Variants in GRM7 observed in about 807,000 individuals in gnomAD.
GRM7 encodes the protein metabotropic glutamate receptor 7.
A neutral mutation model predicts 84.5 loss-of-function variants in GRM7; 35 were observed. That is an observed-to-expected ratio of 0.41 (90% CI 0.32 to 0.55). The LOEUF is 0.55. GRM7 is among the 20% of genes least tolerant of loss of function. The pLI, the probability that GRM7 is intolerant of heterozygous loss-of-function variation, is 0.19. For synonymous variants in GRM7, 487 were observed against 455.1 expected, an observed-to-expected ratio of 1.07 and a Z score of -0.89; for missense variants, 1,003 against 1,194.6, an observed-to-expected ratio of 0.84 and a Z score of 2.36.
At chr3:6,904,708 G>C (rs929586582) in intron 1 of GRM7, among the ~76,000 whole-genome samples, 13 of 151,606 alleles carry the variant, frequency 8.6e-5, no homozygotes, top group African/African-American at 3.2e-4. Context: ...TAATCATCAT[G>C]ACTTCCTTAT....
chr3:7,005,199 T>C (rs529412675), intron 1 of GRM7, among the ~76,000 whole-genome samples: 11 of 152,298 alleles, frequency 7.2e-5, no homozygotes, highest in Non-Finnish European at 4.4e-5. Flanking sequence ...TTAAGGACCA[T>C]GGGCCTACTC....
At chr3:7,104,224 C>CT (rs147181632) in intron 1 of GRM7, among the ~76,000 whole-genome samples, 8,697 of 150,356 alleles carry the variant, frequency 0.058, 514 homozygotes, top group African/African-American at 0.16. Context: ...CAAAAAGTGC[C>CT]TTTTTTTTTC....
At chr3:7,353,006 T>C (rs1246408554) in intron 4 of GRM7, among the ~76,000 whole-genome samples, 1 of 152,090 alleles carries the variant, frequency 6.6e-6, no homozygotes, top group Non-Finnish European at 1.5e-5. Context: ...TTTTCAGAAA[T>C]TTCCATCCTA....
chr3:6,958,050 A>G (rs1368991534), intron 1 of GRM7, among the ~76,000 whole-genome samples: 1 of 151,912 alleles, frequency 6.6e-6, no homozygotes, highest in East Asian at 1.9e-4. Context: ...GCATACATGT[A>G]CACACACTAT....
intron 2 of GRM7, among the ~76,000 whole-genome samples, chr3:7,192,909 T>G (rs1022445453): frequency 3.3e-5 from 5 of 152,152 alleles, no homozygotes; most frequent in African/African-American, 9.7e-5. Context: ...TCTTGGGTAC[T>G]AATCCCCTGG....
intron 4 of GRM7, among the ~76,000 whole-genome samples, chr3:7,350,480 C>T (rs1208358472): frequency 6.6e-6 from 1 of 152,088 alleles, no homozygotes; most frequent in African/African-American, 2.4e-5. Flanking sequence ...TTCCCCTTTG[C>T]CTTCCTCCAT....
intron 4 of GRM7, among the ~76,000 whole-genome samples, chr3:7,322,131 A>G (rs1273661745): frequency 1.3e-5 from 2 of 152,166 alleles, no homozygotes; most frequent in Non-Finnish European, 2.9e-5. Flanking sequence ...GGATACCTAC[A>G]TGGAGATATT....
chr3:7,548,969 CTGGGGTGTCTTACTCAGTTTTCCCAAAG>C (rs933966223), intron 7 of GRM7, among the ~76,000 whole-genome samples: 1 of 152,160 alleles, frequency 6.6e-6, no homozygotes, highest in Non-Finnish European at 1.5e-5. Context: ...CTGTACCTGT[CTGGGGTGTCTTACTCAGTTTTCCCAAAG>C]TTTTCTTGGT....
At chr3:7,667,231 G>T (rs1699737648) in intron 8 of GRM7, among the ~76,000 whole-genome samples, 1 of 149,716 alleles carries the variant, frequency 6.7e-6, no homozygotes. Context: ...TCCTACCACT[G>T]CACTCCAGCC....
At chr3:7,547,814 C>T (rs566277843) in intron 7 of GRM7, among the ~76,000 whole-genome samples, 1 of 152,188 alleles carries the variant, frequency 6.6e-6, no homozygotes, top group Non-Finnish European at 1.5e-5. Context: ...AATAAATTCT[C>T]CCCTAATCTA....
At chr3:7,211,537 T>A (rs1185734060) in intron 2 of GRM7, among the ~76,000 whole-genome samples, 1 of 151,892 alleles carries the variant, frequency 6.6e-6, no homozygotes, top group East Asian at 1.9e-4. Flanking sequence ...AGTCAACCCA[T>A]TACCTTTTGA....
chr3:7,227,985 A>G (rs1236804860), intron 2 of GRM7, among the ~76,000 whole-genome samples: 1 of 152,108 alleles, frequency 6.6e-6, no homozygotes, highest in Non-Finnish European at 1.5e-5. Flanking sequence ...TCATTCAGGT[A>G]CTCTTCTCTC....
At chr3:7,340,347 T>G (rs1701591790) in intron 4 of GRM7, among the ~76,000 whole-genome samples, 1 of 152,158 alleles carries the variant, frequency 6.6e-6, no homozygotes, top group African/African-American at 2.4e-5. Flanking sequence ...AGTGAGGCCT[T>G]AGGAAACTTA....
Position 7,306,555 on chromosome 3 carries a change from A to G in GRM7, c.936A>G (p.Gly312=). 1.2e-6 allele frequency: 2 copies of G among 1,613,910 alleles called. No individual in the cohort carries two copies. The highest frequency in any genetic ancestry group is 1.7e-6 in the Non-Finnish European group (2 of 1,179,864). The change falls in exon 4 of 10, where the codon GGA becomes GGG. Residue 312 remains glycine, a synonymous_variant. Transcript: ENST00000357716. ...AAGTTGGCCATTTTCTTTGGGTGGG[A>G]TCAGACAGCTGGGGATCCAAAATAA... The part of the protein sequence containing the change: ...ADQVGHFLWV[G]SDSWGSKINP...
chr3:7,237,739 C>A (rs902822635), intron 2 of GRM7, among the ~76,000 whole-genome samples: 3 of 151,774 alleles, frequency 2.0e-5, no homozygotes, highest in Non-Finnish European at 4.4e-5. Flanking sequence ...GAAGTGGACC[C>A]GAGTGGGTTG....
intron 3 of GRM7, among the ~76,000 whole-genome samples, chr3:7,306,230 A>G (rs541647191): frequency 2.3e-4 from 35 of 152,248 alleles, no homozygotes; most frequent in African/African-American, 7.9e-4. Context: ...ACATATGTAA[A>G]TATGTGTCTT....
intron 6 of GRM7, among the ~76,000 whole-genome samples, chr3:7,453,274 T>C (rs1697855286): frequency 6.6e-6 from 1 of 152,104 alleles, no homozygotes; most frequent in South Asian, 2.1e-4. Flanking sequence ...GGACACAAGC[T>C]GACTGTCCTC....
chr3:7,715,663 C>G (rs1214203151), intron 9 of GRM7, among the ~76,000 whole-genome samples: 1 of 152,092 alleles, frequency 6.6e-6, no homozygotes, highest in Non-Finnish European at 1.5e-5. Flanking sequence ...TTGAATAGTA[C>G]AGAGAGTTTA....
chr3:7,293,033 T>TC (rs1699689949), intron 2 of GRM7, among the ~76,000 whole-genome samples: 4 of 52,930 alleles, frequency 7.6e-5, no homozygotes, highest in African/African-American at 5.4e-4. Flanking sequence ...AGACTTGGTC[T>TC]CAAAAAAAAA....
Sources: gnomAD v4.1 joint callset for allele counts (sites outside exome capture counted in the v4.1 genomes callset) on GRCh38, gnomAD v4.1.1 for gene constraint, MANE v1.5 for transcripts, NCBI Gene and HGNC (gene_info 2026-07-23, HGNC 2026-07-21) for gene names.